FRMD5: variants seen among roughly 807,000 people sequenced by gnomAD.
FRMD5 encodes FERM domain-containing protein 5.
A neutral mutation model predicts 69.0 loss-of-function variants in FRMD5; 20 were observed. That is an observed-to-expected ratio of 0.29 (90% CI 0.20 to 0.42). FRMD5 has a LOEUF of 0.42. FRMD5 is among the 10% of genes least tolerant of loss of function. The pLI, the probability that FRMD5 is intolerant of heterozygous loss-of-function variation, is 1.00. For synonymous variants in FRMD5, 271 were observed against 260.1 expected (o/e 1.04, Z -0.40); for missense variants, 595 against 708.6 (o/e 0.84, Z 1.82).
intron 1 of FRMD5, among the ~76,000 whole-genome samples, chr15:43,974,598 T>TC (rs1443117919): frequency 6.6e-6 from 1 of 152,216 alleles, no homozygotes; most frequent in Non-Finnish European, 1.5e-5. Flanking sequence ...CGGTGCCTTA[T>TC]CCATTTTGGT....
rs140523911 is a variant in FRMD5, at chr15:44,035,761, T to C, written c.103-111452A>G. ...TGGACCAACTGCCACCTGAGCAGTG[T>C]TGATCCCATTTTTTAAAAATCTATG... is the stretch of plus-strand genomic sequence containing the variant. On this transcript the variant is annotated intron_variant, in intron 1 of 13. Transcript: ENST00000417257. Among the ~76,000 whole-genome samples the C allele has an allele frequency of 2.0e-3, 308 of 152,318 alleles. 1 individual carries two copies. Among genetic ancestry groups the C allele is most frequent in the African/African-American group, 7.0e-3 (292 of 41,578 alleles).
At chr15:44,068,277 A>G (rs1893393726) in intron 1 of FRMD5, among the ~76,000 whole-genome samples, 1 of 152,254 alleles carries the variant, frequency 6.6e-6, no homozygotes, top group Non-Finnish European at 1.5e-5. Flanking sequence ...ATAGCCACAC[A>G]AACTTGCGCA....
chr15:43,999,898 C>T (rs569231091), intron 1 of FRMD5, among the ~76,000 whole-genome samples: 17 of 60,258 alleles, frequency 2.8e-4, no homozygotes, highest in African/African-American at 9.4e-4. Context: ...ACATGATATA[C>T]CATTTTATAT....
intron 1 of FRMD5, among the ~76,000 whole-genome samples, chr15:43,968,434 G>T (rs1419053886): frequency 6.6e-6 from 1 of 152,056 alleles, no homozygotes; most frequent in Non-Finnish European, 1.5e-5. Flanking sequence ...CAAAATAATT[G>T]ACCCTTTTTC....
chr15:44,101,057 G>A (rs2076631911), intron 1 of FRMD5, among the ~76,000 whole-genome samples: 1 of 151,690 alleles, frequency 6.6e-6, no homozygotes, highest in East Asian at 1.9e-4. Context: ...GCTGACGCAG[G>A]AGAATCCCTT....
intron 1 of FRMD5, among the ~76,000 whole-genome samples, chr15:44,012,806 G>C (rs1447299316): frequency 1.9e-5 from 2 of 107,724 alleles, no homozygotes; most frequent in Non-Finnish European, 3.5e-5. Context: ...CGCTCTTGTT[G>C]CCCAGGCTGG....
chr15:43,916,991 G>T (rs1398583021), intron 4 of FRMD5, among the ~76,000 whole-genome samples: 1 of 152,008 alleles, frequency 6.6e-6, no homozygotes, highest in African/African-American at 2.4e-5. Flanking sequence ...TGTTGGTCAG[G>T]CTGGTCTCAA....
intron 1 of FRMD5, chr15:43,989,879 G>A: frequency 9.5e-7 from 1 of 1,049,630 alleles, no homozygotes; most frequent in East Asian, 2.5e-5. Context: ...AGCAGCATGG[G>A]GTGCTCCTTG....
intron 1 of FRMD5, among the ~76,000 whole-genome samples, chr15:44,077,278 T>C (rs1459984558): frequency 2.0e-5 from 3 of 152,240 alleles, no homozygotes; most frequent in Non-Finnish European, 4.4e-5. Flanking sequence ...TTCCTTTTCT[T>C]CTCAAGAGCT....
rs1282534465 is a variant in FRMD5, at chr15:44,182,345, T to C, written c.102+12608A>G. ...TTTTCTTTTTTTTTTTTTTTTTTTT[T>C]CTGAGACGGAGTCTCGCTCTGTCAC... is the stretch of plus-strand genomic sequence containing the variant. On this transcript the variant is annotated intron_variant, in intron 1 of 13. Coordinates refer to ENST00000417257, the MANE Select transcript of FRMD5 (RefSeq NM_032892.5). Among the ~76,000 whole-genome samples, 522 of 64,376 alleles carry C rather than the reference T, an allele frequency of 8.1e-3. 4 individuals carry two copies. Among genetic ancestry groups the C allele is most frequent in the African/African-American group, 0.026 (484 of 18,904 alleles). The allele number at this position is 64,376 out of a possible 152,430, so 42.2% of individuals were successfully genotyped here. A position where few individuals can be genotyped will look rare whatever the true frequency, so the allele number is the denominator to read the frequency against.
intron 1 of FRMD5, among the ~76,000 whole-genome samples, chr15:43,960,319 G>C (rs2090178243): frequency 6.6e-6 from 1 of 152,038 alleles, no homozygotes; most frequent in African/African-American, 2.4e-5. Flanking sequence ...GCGCGATCTT[G>C]GCTCACTGCA....
At chr15:44,000,593 G>A (rs1890167913) in intron 1 of FRMD5, among the ~76,000 whole-genome samples, 1 of 151,946 alleles carries the variant, frequency 6.6e-6, no homozygotes, top group Admixed American at 6.6e-5. Context: ...CAGAGTAGCT[G>A]GGATTATAGG....
chr15:43,951,029 A>G (rs1189733104), intron 1 of FRMD5, among the ~76,000 whole-genome samples: 1 of 152,240 alleles, frequency 6.6e-6, no homozygotes, highest in East Asian at 1.9e-4. Flanking sequence ...TACAGAGGAA[A>G]TGATCAAATC....
chr15:44,144,760 A>C (rs2077329757), intron 1 of FRMD5, among the ~76,000 whole-genome samples: 1 of 152,228 alleles, frequency 6.6e-6, no homozygotes, highest in Admixed American at 6.5e-5. Context: ...TTTCTCAAAA[A>C]CAAAATTCTT....
intron 1 of FRMD5, among the ~76,000 whole-genome samples, chr15:44,038,520 C>CTTTTTTTTTTTTTTTT (rs71111834): frequency 2.7e-4 from 17 of 63,196 alleles, no homozygotes; most frequent in South Asian, 1.4e-3. Context: ...CTAGCCAGAG[C>CTTTTTTTTTTTTTTTT]TTTTTTTTTT....
chr15:44,017,728 C>T (rs1321515088), intron 1 of FRMD5, among the ~76,000 whole-genome samples: 4 of 151,662 alleles, frequency 2.6e-5, no homozygotes, highest in Non-Finnish European at 5.9e-5. Context: ...GACTCAGCCT[C>T]CCAAGTAGCT....
chr15:44,134,285 T>G (rs990320065), intron 1 of FRMD5, among the ~76,000 whole-genome samples: 1 of 151,958 alleles, frequency 6.6e-6, no homozygotes, highest in African/African-American at 2.4e-5. Flanking sequence ...TTACAAATAC[T>G]TACAAAAGAA....
intron 1 of FRMD5, among the ~76,000 whole-genome samples, chr15:43,961,581 G>C (rs1207703283): frequency 6.6e-6 from 1 of 152,120 alleles, no homozygotes; most frequent in Non-Finnish European, 1.5e-5. Context: ...TGATACCAAA[G>C]CCTGGCGGAG....
chr15:43,910,726 T>G (rs2089272868), intron 4 of FRMD5, among the ~76,000 whole-genome samples: 1 of 152,136 alleles, frequency 6.6e-6, no homozygotes, highest in Admixed American at 6.5e-5. Context: ...GAGCAAATAG[T>G]AGCTGACATG....
Sources: allele counts gnomAD v4.1 joint callset (sites outside exome capture counted in the v4.1 genomes callset), GRCh38; gene constraint gnomAD v4.1.1; transcripts MANE v1.5; gene names NCBI Gene and HGNC (gene_info 2026-07-23, HGNC 2026-07-21).